Variants in BRPF3 observed in about 807,000 individuals in gnomAD.
BRPF3 encodes the protein bromodomain and PHD finger containing 3, also known as bromodomain and PHD finger-containing protein 3.
A neutral mutation model predicts 102.0 loss-of-function variants in BRPF3; 18 were observed. The ratio of observed to expected loss-of-function variants is 0.18; its 90% CI spans 0.12 to 0.26. The LOEUF (loss-of-function observed/expected upper bound fraction) is 0.26. Among genes scored for constraint, BRPF3 ranks in the 10% least tolerant of loss-of-function variants. The pLI is 1.00. For missense variants in BRPF3, 1,147 were observed against 1,567.8 expected, an observed-to-expected ratio of 0.73 and a Z score of 4.53; for synonymous variants, 570 against 614.2, an observed-to-expected ratio of 0.93 and a Z score of 1.06.
At position 36,230,700 on chromosome 6, in the gene BRPF3, A is replaced by G; in HGVS notation, c.*91A>G. 1 of 1,438,904 alleles carries G rather than the reference A, an allele frequency of 6.9e-7. No individual in the cohort carries two copies. Among genetic ancestry groups the G allele is most frequent in the South Asian group, 1.4e-5 (1 of 73,598 alleles). 89.1% of individuals were successfully genotyped at this position (1,438,904 alleles called of 1,614,324 possible). ...TGCCCCTGCCAGATGTATGGCCGGC[A>G]GCTTCCCCCTCTCATGGTAGGCCAG... On this transcript the variant is annotated 3_prime_UTR_variant, in exon 13 of 13. Coordinates refer to ENST00000357641, the MANE Select transcript of BRPF3 (RefSeq NM_015695.3). The surrounding 1 kb of genome is among the most constrained non-coding windows in gnomAD (Gnocchi z 5.4).
Position 36,210,551 on chromosome 6 carries a change from G to A in BRPF3, c.2179+23G>A, listed in dbSNP as rs765980637. The stretch of plus-strand genomic sequence containing the variant: ...ACGGTGAGAGGCCTGGATGGGTGGG[G>A]AGGAGAGGGGCCAGGAGGAGGCACA... On this transcript the variant is annotated intron_variant, in intron 6 of 12. Transcript: ENST00000357641. This position sits in a 1 kb window ranked among gnomAD's most constrained non-coding sequence, Gnocchi z 4.7. 17 of 1,560,816 alleles carry A rather than the reference G, an allele frequency of 1.1e-5. No individual in the cohort carries two copies. The South Asian group carries it at 1.8e-4, about 16-fold the overall frequency.
chr6:36,208,452 A>G lies in BRPF3; in HGVS notation c.1737+1008A>G, dbSNP rs531288077. Among the ~76,000 whole-genome samples, 280 of 152,312 alleles carry G rather than the reference A, an allele frequency of 1.8e-3. 1 individual carries two copies. Among genetic ancestry groups the G allele is most frequent in the African/African-American group, 6.5e-3 (270 of 41,556 alleles). On this transcript the variant is annotated intron_variant, in intron 4 of 12. Transcript: ENST00000357641. Reference sequence around the variant, plus strand: ...GGAGTTTGAGATGAGCCAGGGCAACAAAGCAAGACCTGTTCTCCACAAAAA... The same window carrying G: ...GGAGTTTGAGATGAGCCAGGGCAACGAAGCAAGACCTGTTCTCCACAAAAA...
At chr6:36,213,855 A>G in intron 7 of BRPF3, 25 bp from the exon 8 acceptor site, 1 of 1,562,728 alleles carries the variant, frequency 6.4e-7, no homozygotes, top group South Asian at 1.2e-5. Flanking sequence ...AAAATGTTCA[A>G]GCAGATTCTC....
At chr6:36,229,124 G>A in intron 12 of BRPF3, 68 bp downstream of exon 12, 1 of 1,565,902 alleles carries the variant, frequency 6.4e-7, no homozygotes, top group Non-Finnish European at 8.7e-7. Flanking sequence ...TGCTGTGCTA[G>A]TGAGGTGTAC....
At chr6:36,203,949 C>T (rs1351602563) in intron 2 of BRPF3, among the ~76,000 whole-genome samples, 2 of 152,156 alleles carry the variant, frequency 1.3e-5, no homozygotes, top group Non-Finnish European at 2.9e-5. Context: ...ATATTAAAGA[C>T]AGATATTATA....
chr6:36,197,890 G>T (rs1767562164), intron 1 of BRPF3, among the ~76,000 whole-genome samples: 1 of 152,086 alleles, frequency 6.6e-6, no homozygotes, highest in African/African-American at 2.4e-5. Flanking sequence ...GTCGAGAGAT[G>T]CTTGAGCAGC....
At chr6:36,215,559 G>A (rs902326843) in intron 8 of BRPF3, among the ~76,000 whole-genome samples, 1 of 152,238 alleles carries the variant, frequency 6.6e-6, no homozygotes, top group Non-Finnish European at 1.5e-5. Flanking sequence ...CACAGTGGTG[G>A]ACAGTATGTT....
chr6:36,214,208 G>A lies in BRPF3; in HGVS notation c.2811G>A (p.Gly937=), dbSNP rs1331332217. The change falls in exon 8 of 13, where the codon GGG becomes GGA. Residue 937 remains glycine (G), a synonymous_variant. Transcript: ENST00000357641. ...TCCTCTTCAAGAAGGCCAAGAATGG[G>A]GTTAAGCTACAGAGAAGCCCAGACA... ...TSVLFKKAKN[G]VKLQRSPDRV... is the part of the protein sequence containing the mutation. The A allele has an allele frequency of 6.2e-7, 1 of 1,614,202 alleles. No homozygotes were observed. The highest frequency in any genetic ancestry group is 1.7e-5 in the Admixed American group (1 of 60,024).
At chr6:36,227,082 C>T (rs958760542) in intron 11 of BRPF3, among the ~76,000 whole-genome samples, 2 of 152,180 alleles carry the variant, frequency 1.3e-5, no homozygotes, top group Non-Finnish European at 2.9e-5. Flanking sequence ...CAGCCACCAC[C>T]TGAACACAAC....
Position 36,214,393 on chromosome 6 carries a change from CT to C in BRPF3, c.2989+8del. ...CAGCAGGAGGAAGAGACAGGTGACCCTGCCTGTGACTTCTCTTGATACTTCG... is the reference window on the plus strand; with the variant it reads ...CAGCAGGAGGAAGAGACAGGTGACCCGCCTGTGACTTCTCTTGATACTTCG... On this transcript the variant is annotated splice_region_variant and intron_variant, in intron 8 of 12. Transcript: ENST00000357641. The C allele has an allele frequency of 6.5e-7, 1 of 1,547,918 alleles. No individual in the cohort carries two copies. The highest frequency in any genetic ancestry group is 1.4e-5 in the African/African-American group (1 of 72,916).
At chr6:36,229,093 G>A (rs762003367) in intron 12 of BRPF3, 37 bp downstream of exon 12, 3 of 1,603,536 alleles carry the variant, frequency 1.9e-6, no homozygotes, top group Admixed American at 1.7e-5. Flanking sequence ...TGAGGGGCAC[G>A]CCAGGGGTCT....
chr6:36,205,149 A>C (rs1767862052), intron 3 of BRPF3, among the ~76,000 whole-genome samples: 1 of 152,194 alleles, frequency 6.6e-6, no homozygotes, highest in Non-Finnish European at 1.5e-5. Context: ...TAATTAGGAA[A>C]AGGTGCCCTT....
At chr6:36,204,884 G>T in intron 3 of BRPF3, 70 bp downstream of exon 3, 2 of 1,572,954 alleles carry the variant, frequency 1.3e-6, no homozygotes, top group East Asian at 4.5e-5. Flanking sequence ...GATGGTTGGG[G>T]TGGGGCTGGC....
Position 36,225,338 on chromosome 6 carries a change from C to G in BRPF3, c.3253C>G (p.Arg1085Gly). The change falls in exon 11 of 13, where the codon CGA (arginine) becomes GGA (glycine). Residue 1085 changes from arginine to glycine, a missense_variant. This residue lies in a region of BRPF3 where 85 missense variants were observed against 172.9 expected (regional missense o/e 0.49). Coordinates refer to ENST00000357641, the MANE Select transcript of BRPF3 (RefSeq NM_015695.3). The part of the protein sequence containing the change: ...EPLELVWAKC[R>G]GYPSYPALII... Reference sequence around the variant, plus strand: ...CTTGGAGCTGGTGTGGGCCAAGTGCCGAGGCTACCCCTCCTACCCTGCCTT... The same window carrying G: ...CTTGGAGCTGGTGTGGGCCAAGTGCGGAGGCTACCCCTCCTACCCTGCCTT... 6.2e-7 allele frequency: 1 copy of G among 1,610,596 alleles called. No individual in the cohort carries two copies. The highest frequency in any genetic ancestry group is 8.5e-7 in the Non-Finnish European group (1 of 1,180,006).
intron 9 of BRPF3, among the ~76,000 whole-genome samples, chr6:36,219,695 G>T (rs1215818591): frequency 6.6e-6 from 1 of 152,086 alleles, no homozygotes; most frequent in African/African-American, 2.4e-5. Context: ...AATATTTCAG[G>T]GTTTAAAATA....
rs779982383 is a variant in BRPF3 at position 36,200,576 on chromosome 6, A to G, written c.254A>G (p.Gln85Arg). ...NSNKENSEQP[Q>R]FPGKSKKPSS... ...AACAAGGAAAACAGTGAACAGCCTCAGTTCCCTGGCAAGTCCAAGAAACCC... is the reference window on the plus strand; with the variant it reads ...AACAAGGAAAACAGTGAACAGCCTCGGTTCCCTGGCAAGTCCAAGAAACCC... The change falls in exon 2 of 13, where the codon CAG becomes CGG. Residue 85 changes from glutamine to arginine, a missense_variant. This residue lies in a region of BRPF3 where 221 missense variants were observed against 337.1 expected (regional missense o/e 0.66). Transcript: ENST00000357641. The surrounding 1 kb of genome is among the most constrained non-coding windows in gnomAD (Gnocchi z 5.3). The G allele has an allele frequency of 1.2e-6, 2 of 1,614,118 alleles. No individual in the cohort carries two copies. Among genetic ancestry groups the G allele is most frequent in the Non-Finnish European group, 1.7e-6 (2 of 1,180,052 alleles).
chr6:36,209,858 C>T lies in BRPF3; in HGVS notation c.1809C>T (p.Asp603=). 1 of 1,614,186 alleles carries T rather than the reference C, an allele frequency of 6.2e-7. No individual in the cohort carries two copies. The highest frequency in any genetic ancestry group is 8.5e-7 in the Non-Finnish European group (1 of 1,180,034). ...ATGTTCTGTTGAGGACAACACTGGACCTGCTGCAGGAGAAGGATCCTGCAC... is the reference window on the plus strand; with the variant it reads ...ATGTTCTGTTGAGGACAACACTGGATCTGCTGCAGGAGAAGGATCCTGCAC... ...PFNVLLRTTL[D]LLQEKDPAHI... is the part of the protein sequence containing the mutation. The change falls in exon 5 of 13, where the codon GAC becomes GAT. Residue 603 remains aspartate, a synonymous_variant. Coordinates refer to ENST00000357641, the MANE Select transcript of BRPF3 (RefSeq NM_015695.3).
intron 3 of BRPF3, among the ~76,000 whole-genome samples, chr6:36,205,874 A>G (rs2127279733): frequency 6.6e-6 from 1 of 152,228 alleles, no homozygotes; most frequent in South Asian, 2.1e-4. Flanking sequence ...GGATGTTTCC[A>G]TGTGGATGTT....
At chr6:36,207,105 G>C (rs1040251711) in intron 3 of BRPF3, among the ~76,000 whole-genome samples, 1 of 152,100 alleles carries the variant, frequency 6.6e-6, no homozygotes, top group African/African-American at 2.4e-5. Context: ...TCCAGCAAAG[G>C]TTATTGCTTT....
Sources: allele counts gnomAD v4.1 joint callset (sites outside exome capture counted in the v4.1 genomes callset), GRCh38; gene constraint gnomAD v4.1.1; regional missense constraint gnomAD v4.1.1; non-coding constraint Gnocchi (gnomAD v3.1); transcripts MANE v1.5; gene names NCBI Gene and HGNC (gene_info 2026-07-23, HGNC 2026-07-21).